Variants in GPD2 observed in about 807,000 individuals in gnomAD.
The protein encoded by GPD2 is glycerol-3-phosphate dehydrogenase, mitochondrial.
A neutral mutation model predicts 82.4 loss-of-function variants in GPD2; 54 were observed. The observed-to-expected ratio is 0.66, with a 90% CI of 0.53 to 0.82. The LOEUF is 0.82. Among genes scored for constraint, GPD2 ranks in the 40% least tolerant of loss-of-function variants. GPD2 has a pLI of 0.00. For missense variants in GPD2, 748 were observed against 896.2 expected (o/e 0.83, Z 2.11); for synonymous variants, 288 against 306.1 (o/e 0.94, Z 0.62).
At chr2:156,570,309 GT>G in intron 12 of GPD2, 91 bp downstream of exon 12, 1 of 1,149,816 alleles carries the variant, frequency 8.7e-7, no homozygotes, top group Non-Finnish European at 1.3e-6. Context: ...ATGTAGCTAA[GT>G]TTTAATGCAC....
intron 13 of GPD2, among the ~76,000 whole-genome samples, chr2:156,571,538 GATA>G (rs1330159010): frequency 6.6e-6 from 1 of 152,072 alleles, no homozygotes; most frequent in Admixed American, 6.6e-5. Flanking sequence ...GAAAAAGAAA[GATA>G]ATAATGATTG....
intron 1 of GPD2, among the ~76,000 whole-genome samples, chr2:156,439,232 G>A (rs1019460481): frequency 1.3e-5 from 2 of 152,042 alleles, no homozygotes; most frequent in Non-Finnish European, 2.9e-5. Context: ...CAGGATTGGC[G>A]TGAAAATGGT....
At chr2:156,418,953 G>A in the GPD2 span, among the ~76,000 whole-genome samples, 100 of 151,840 alleles carry the variant, frequency 6.6e-4, no homozygotes, top group African/African-American at 2.2e-3. Context: ...GGGAGAGACT[G>A]TGGGGTGTGA....
the GPD2 span, among the ~76,000 whole-genome samples, chr2:156,407,239 C>T: frequency 6.6e-6 from 1 of 152,150 alleles, no homozygotes; most frequent in Non-Finnish European, 1.5e-5. Flanking sequence ...TTATCAGTGT[C>T]CTGTATTTCC....
the GPD2 span, among the ~76,000 whole-genome samples, chr2:156,423,305 A>T: frequency 6.6e-6 from 1 of 152,220 alleles, no homozygotes; most frequent in Non-Finnish European, 1.5e-5. Context: ...ATTAAAAGTA[A>T]TAACACTGGT....
chr2:156,464,893 C>T (rs1165178358), intron 1 of GPD2, among the ~76,000 whole-genome samples: 1 of 151,780 alleles, frequency 6.6e-6, no homozygotes, highest in Non-Finnish European at 1.5e-5. Context: ...CTTTGTTGCC[C>T]AGGCTGGTGT....
At chr2:156,431,544 A>C (rs376898383), upstream of GPD2, among the ~76,000 whole-genome samples, 2 of 152,136 alleles carry the variant, frequency 1.3e-5, no homozygotes, top group Non-Finnish European at 2.9e-5. Flanking sequence ...AGCAATTCCT[A>C]AATTAATGAT....
chr2:156,558,865 C>T (rs1433210973), intron 9 of GPD2, among the ~76,000 whole-genome samples: 10 of 148,074 alleles, frequency 6.8e-5, no homozygotes, highest in Admixed American at 3.4e-4. Context: ...ATCCACCGGC[C>T]TCGGCCTCCC....
At chr2:156,579,303 T>C (rs1687941559) in intron 15 of GPD2, 139 bp downstream of exon 15, 1 of 613,928 alleles carries the variant, frequency 1.6e-6, no homozygotes, top group East Asian at 3.0e-5. Context: ...TGAAAGCATA[T>C]TTATAATTTT....
At chr2:156,515,345 C>A (rs655387) in intron 6 of GPD2, among the ~76,000 whole-genome samples, 54,513 of 150,966 alleles carry the variant, frequency 0.36, 10,789 homozygotes, top group Non-Finnish European at 0.47. Context: ...TACACTCCAG[C>A]CTGGGCAACA....
chr2:156,550,558 G>A (rs767945447), intron 7 of GPD2, 44 bp from the exon 8 acceptor site: 1 of 1,600,546 alleles, frequency 6.2e-7, no homozygotes, highest in African/African-American at 1.3e-5. Flanking sequence ...TCCGTTAACA[G>A]AGAAACAAAT....
the GPD2 span, among the ~76,000 whole-genome samples, chr2:156,423,897 A>G: frequency 6.6e-6 from 1 of 152,184 alleles, no homozygotes; most frequent in African/African-American, 2.4e-5. Flanking sequence ...CTCAAAACAA[A>G]GCGCTTTCCT....
At position 156,583,010 on chromosome 2, in the gene GPD2, A is replaced by G; in HGVS notation, c.*92A>G. The G allele has an allele frequency of 7.4e-7, 1 of 1,353,578 alleles. No homozygotes were observed. The highest frequency in any genetic ancestry group is 1.2e-5 in the South Asian group (1 of 83,752). 83.8% of individuals were successfully genotyped at this position (1,353,578 alleles called of 1,614,324 possible). On this transcript the variant is annotated 3_prime_UTR_variant, in exon 17 of 17. Transcript: ENST00000438166. ...GACTGAAACCACTCTGAAATAATGA[A>G]TGTGGATAGCTGCCTTTTTTAACAC... is the stretch of plus-strand genomic sequence containing the variant.
intron 3 of GPD2, among the ~76,000 whole-genome samples, chr2:156,508,442 A>G (rs1434112820): frequency 6.6e-6 from 1 of 152,110 alleles, no homozygotes; most frequent in Non-Finnish European, 1.5e-5. Flanking sequence ...GCAGGGGGTG[A>G]CATACTATGC....
chr2:156,491,613 A>G (rs566554524), intron 2 of GPD2, among the ~76,000 whole-genome samples: 1 of 152,346 alleles, frequency 6.6e-6, no homozygotes, highest in South Asian at 2.1e-4. Context: ...ACGATTATGA[A>G]TAAAGCCATT....
In GPD2 at chr2:156,506,763, C is replaced by A. The variant is rs116045305; in HGVS notation, c.275-4033C>A. 9.5e-3 allele frequency among the ~76,000 whole-genome samples: 1,452 copies of A among 152,240 alleles called. 23 individuals carry two copies. Among genetic ancestry groups the A allele is most frequent in the African/African-American group, 0.034 (1,401 of 41,542 alleles). ...TCCAGTCCTACCTCTACCCCTCATT[C>A]CTGCAGTCAGATTAATCTTTTCTGA... On this transcript the variant is annotated intron_variant, in intron 3 of 16. Transcript: ENST00000438166.
chr2:156,566,289 A>G (rs946954051), intron 9 of GPD2, among the ~76,000 whole-genome samples: 4 of 152,054 alleles, frequency 2.6e-5, no homozygotes, highest in African/African-American at 9.7e-5. Context: ...GTACATTCAC[A>G]TTGTCATGCA....
chr2:156,559,796 GA>G (rs1255994797), intron 9 of GPD2, among the ~76,000 whole-genome samples: 15 of 152,084 alleles, frequency 9.9e-5, no homozygotes, highest in African/African-American at 3.6e-4. Flanking sequence ...CATGGTATTT[GA>G]AAAATAGTTT....
intron 9 of GPD2, among the ~76,000 whole-genome samples, chr2:156,561,959 A>T (rs1169014971): frequency 6.6e-6 from 1 of 152,138 alleles, no homozygotes; most frequent in Non-Finnish European, 1.5e-5. Context: ...CACAGGCTGA[A>T]TTTTCTAGAT....
Sources: allele counts gnomAD v4.1 joint callset (sites outside exome capture counted in the v4.1 genomes callset), GRCh38; gene constraint gnomAD v4.1.1; transcripts MANE v1.5; gene names NCBI Gene and HGNC (gene_info 2026-07-23, HGNC 2026-07-21).